ZNF407: variants seen among roughly 807,000 people sequenced by gnomAD.
The protein encoded by ZNF407 is zinc finger protein 407.
A neutral mutation model predicts 131.2 loss-of-function variants in ZNF407; 17 were observed. The observed-to-expected ratio is 0.13, with a 90% CI of 0.09 to 0.19. The LOEUF (loss-of-function observed/expected upper bound fraction) is 0.19. ZNF407 is among the 10% of genes least tolerant of loss of function. The probability of loss-of-function intolerance (pLI) is 1.00; values close to 1 mark genes in which losing one functional copy is unlikely to be tolerated. For missense variants in ZNF407, 2,681 were observed against 2,830.6 expected, an observed-to-expected ratio of 0.95 and a Z score of 1.20; for synonymous variants, 1,156 against 1,062.0, an observed-to-expected ratio of 1.09 and a Z score of -1.72.
chr18:74,898,166 T>C (rs1971477679), intron 7 of ZNF407: 1 of 152,206 alleles, frequency 6.6e-6, no homozygotes, highest in African/African-American at 2.4e-5. Context: ...TGTATCAGCG[T>C]GTCTGACTCA....
At position 74,599,605 on chromosome 18, in the gene ZNF407, G is replaced by T. The variant is rs540568034; in HGVS notation, c.-54+1668G>T. ...TTACGGCTGATTGATGGTGGGGAGT[G>T]GTGAAAGCTTCTTGCAGGATATGTG... is the stretch of plus-strand genomic sequence containing the variant. On this transcript the variant is annotated intron_variant, in intron 1 of 8. Coordinates refer to ENST00000299687, the MANE Select transcript of ZNF407 (RefSeq NM_017757.3). 2.0e-5 allele frequency among the ~76,000 whole-genome samples: 3 copies of T among 152,252 alleles called. No individual in the cohort carries two copies. In the East Asian group the frequency reaches 5.8e-4, roughly 29 times the overall value.
intron 4 of ZNF407, among the ~76,000 whole-genome samples, chr18:74,832,580 G>A (rs1970501097): frequency 6.6e-6 from 1 of 151,894 alleles, no homozygotes; most frequent in Admixed American, 6.6e-5. Context: ...TCACAGGCAT[G>A]AGCCACCACA....
intron 8 of ZNF407, among the ~76,000 whole-genome samples, chr18:75,054,540 TG>T (rs1973539788): frequency 2.6e-5 from 4 of 152,240 alleles, no homozygotes; most frequent in Admixed American, 1.3e-4. Flanking sequence ...AAAGTAGCCT[TG>T]TTAGATGCAT....
intron 8 of ZNF407, among the ~76,000 whole-genome samples, chr18:74,921,810 AT>A (rs1015734544): frequency 1.3e-5 from 2 of 152,186 alleles, no homozygotes; most frequent in Non-Finnish European, 2.9e-5. Flanking sequence ...GGATTGTGAT[AT>A]ATATCACACC....
chr18:74,854,114 T>A (rs557798260), intron 4 of ZNF407, among the ~76,000 whole-genome samples: 1 of 152,314 alleles, frequency 6.6e-6, no homozygotes, highest in South Asian at 2.1e-4. Flanking sequence ...GTGAGGGGTT[T>A]AATGTCTTGC....
intron 4 of ZNF407, among the ~76,000 whole-genome samples, chr18:74,847,738 G>C (rs1970721446): frequency 6.6e-6 from 1 of 151,636 alleles, no homozygotes; most frequent in Non-Finnish European, 1.5e-5. Flanking sequence ...GACCATGTTT[G>C]TTTCCAGTTA....
In ZNF407 at chr18:74,948,659, T is replaced by A. The variant is rs559717849; in HGVS notation, c.5428+27967T>A. 2.1e-3 allele frequency among the ~76,000 whole-genome samples: 324 copies of A among 152,324 alleles called. 2 individuals carry two copies. Among genetic ancestry groups the A allele is most frequent in the African/African-American group, 7.1e-3 (295 of 41,582 alleles). ...AAATAATTCTCTCTCATCACATCCA[T>A]ATGACATCAATCCTAAGGAAAGATC... On this transcript the variant is annotated intron_variant, in intron 8 of 8. Coordinates refer to ENST00000299687, the MANE Select transcript of ZNF407 (RefSeq NM_017757.3).
At chr18:74,741,030 A>T (rs545998455) in intron 3 of ZNF407, among the ~76,000 whole-genome samples, 17 of 152,272 alleles carry the variant, frequency 1.1e-4, no homozygotes, top group Non-Finnish European at 2.2e-4. Context: ...CAGTAGCTGG[A>T]AGGCAGCTGC....
chr18:74,668,321 G>A (rs570413141), intron 3 of ZNF407, among the ~76,000 whole-genome samples: 2 of 152,022 alleles, frequency 1.3e-5, no homozygotes, highest in African/African-American at 2.4e-5. Flanking sequence ...CCAAGATACC[G>A]ATATATCTTA....
intron 4 of ZNF407, among the ~76,000 whole-genome samples, chr18:74,813,853 T>A (rs1970232692): frequency 6.6e-6 from 1 of 152,178 alleles, no homozygotes; most frequent in Non-Finnish European, 1.5e-5. Flanking sequence ...CTATATATCC[T>A]ATCAGGAAGT....
chr18:74,804,040 GC>G, intron 4 of ZNF407: 2 of 1,551,684 alleles, frequency 1.3e-6, no homozygotes, highest in Non-Finnish European at 8.7e-7. Flanking sequence ...TGCCTCTGAA[GC>G]CCAAAGTCTT....
intron 4 of ZNF407, among the ~76,000 whole-genome samples, chr18:74,825,976 A>T (rs560714900): frequency 9.2e-5 from 14 of 152,210 alleles, no homozygotes; most frequent in Non-Finnish European, 2.1e-4. Flanking sequence ...ACATACACTA[A>T]ACTGTTTGGC....
chr18:75,044,782 A>G (rs899303655), intron 8 of ZNF407, among the ~76,000 whole-genome samples: 17 of 152,302 alleles, frequency 1.1e-4, no homozygotes, highest in African/African-American at 3.8e-4. Context: ...AAAACTATTC[A>G]CATTATTTTT....
At chr18:74,925,953 C>G (rs752308554) in intron 8 of ZNF407, among the ~76,000 whole-genome samples, 2 of 152,200 alleles carry the variant, frequency 1.3e-5, no homozygotes, top group South Asian at 4.1e-4. Context: ...TCCTCTCTTT[C>G]GTGTTAACCT....
chr18:74,729,153 A>G (rs1476325102), intron 3 of ZNF407, among the ~76,000 whole-genome samples: 2 of 152,216 alleles, frequency 1.3e-5, no homozygotes, highest in East Asian at 1.9e-4. Flanking sequence ...TACTTTAGAC[A>G]TAATTTGTTG....
intron 3 of ZNF407, among the ~76,000 whole-genome samples, chr18:74,727,483 C>T (rs775299529): frequency 3.3e-5 from 5 of 152,070 alleles, no homozygotes; most frequent in Admixed American, 6.5e-5. Flanking sequence ...AGGTGGTCTC[C>T]GGGACACAGC....
intron 5 of ZNF407, among the ~76,000 whole-genome samples, chr18:74,880,409 C>T (rs895472887): frequency 2.6e-5 from 4 of 152,138 alleles, no homozygotes; most frequent in Non-Finnish European, 5.9e-5. Context: ...CTGTAGCAAT[C>T]CCTAGACTTT....
At chr18:74,715,630 A>G (rs1022877205) in intron 3 of ZNF407, among the ~76,000 whole-genome samples, 4 of 152,164 alleles carry the variant, frequency 2.6e-5, no homozygotes, top group African/African-American at 9.6e-5. Flanking sequence ...ATTGAACTAC[A>G]TGCTCGAGGG....
At chr18:74,738,142 C>T (rs1200489178) in intron 3 of ZNF407, among the ~76,000 whole-genome samples, 1 of 152,024 alleles carries the variant, frequency 6.6e-6, no homozygotes, top group African/African-American at 2.4e-5. Flanking sequence ...GGACGTTGGG[C>T]CAGGTGCGGT....
Sources: gnomAD v4.1 joint callset for allele counts (sites outside exome capture counted in the v4.1 genomes callset) on GRCh38, gnomAD v4.1.1 for gene constraint, MANE v1.5 for transcripts, NCBI Gene and HGNC (gene_info 2026-07-23, HGNC 2026-07-21) for gene names.